The following NXN variants were observed in gnomAD, a reference collection of about 807,000 sequenced individuals.
The protein encoded by NXN is nucleoredoxin 1.
A neutral mutation model predicts 48.6 loss-of-function variants in NXN; 16 were observed. The observed-to-expected ratio is 0.33, with a 90% confidence interval of 0.22 to 0.50. The LOEUF is 0.50. Among genes scored for constraint, NXN ranks in the 20% least tolerant of loss-of-function variants. The probability of loss-of-function intolerance (pLI) is 0.98; values close to 1 mark genes in which losing one functional copy is unlikely to be tolerated. For synonymous variants in NXN, 281 were observed against 269.6 expected (o/e 1.04, Z -0.41); for missense variants, 492 against 605.5 (o/e 0.81, Z 1.97).
chr17:946,051 GGAGA>G (rs1355336123), intron 1 of NXN, among the ~76,000 whole-genome samples: 3 of 152,138 alleles, frequency 2.0e-5, no homozygotes, highest in African/African-American at 7.2e-5. Flanking sequence ...AGAGGGAAAG[GGAGA>G]GAGAGAAAGT....
intron 1 of NXN, among the ~76,000 whole-genome samples, chr17:832,039 G>A (rs1335708840): frequency 6.6e-6 from 1 of 151,266 alleles, no homozygotes; most frequent in African/African-American, 2.4e-5. Flanking sequence ...GTGGGTAGCT[G>A]GACTGTTGCC....
intron 1 of NXN, among the ~76,000 whole-genome samples, chr17:924,690 A>T (rs2068781722): frequency 1.3e-5 from 2 of 150,280 alleles, no homozygotes; most frequent in South Asian, 4.3e-4. Flanking sequence ...TCCCAAACTG[A>T]AATTCCGTCC....
intron 1 of NXN, among the ~76,000 whole-genome samples, chr17:865,651 A>G (rs532089036): frequency 6.6e-5 from 10 of 152,180 alleles, no homozygotes; most frequent in Non-Finnish European, 1.2e-4. Context: ...AGCAATTCCA[A>G]TTCACAGATA....
intron 1 of NXN, chr17:863,909 G>C: frequency 6.9e-7 from 1 of 1,442,698 alleles, no homozygotes; most frequent in Admixed American, 2.0e-5. Flanking sequence ...AGAGGTTTAT[G>C]TCAGGCTCAT....
At chr17:947,715 A>G (rs1230884215) in intron 1 of NXN, among the ~76,000 whole-genome samples, 1 of 129,580 alleles carries the variant, frequency 7.7e-6, no homozygotes, top group Non-Finnish European at 1.6e-5. Context: ...CCTGGGCAAC[A>G]GGGTGAGGCT....
intron 1 of NXN, among the ~76,000 whole-genome samples, chr17:840,282 G>A (rs138829341): frequency 6.6e-6 from 1 of 152,250 alleles, no homozygotes; most frequent in Non-Finnish European, 1.5e-5. Context: ...CAGATAGAAG[G>A]ACCAGGGGAC....
intron 1 of NXN, among the ~76,000 whole-genome samples, chr17:853,724 T>TATATATATATATATATATATA (rs61572573): frequency 3.7e-4 from 26 of 70,030 alleles, no homozygotes; most frequent in Non-Finnish European, 2.3e-4. Context: ...TATATATATA[T>TATATATATATATATATATATA]TTTTTTTTTT....
intron 1 of NXN, among the ~76,000 whole-genome samples, chr17:934,535 T>C (rs924131426): frequency 1.3e-5 from 2 of 151,630 alleles, no homozygotes; most frequent in Non-Finnish European, 2.9e-5. Flanking sequence ...AGACGCTGAA[T>C]TGGTGACTTA....
chr17:855,509 T>A (rs1465347359), intron 1 of NXN, among the ~76,000 whole-genome samples: 1 of 152,178 alleles, frequency 6.6e-6, no homozygotes, highest in Non-Finnish European at 1.5e-5. Context: ...CAGATTTATC[T>A]CTTAAGTTCT....
At chr17:937,258 A>AT (rs1262960031) in intron 1 of NXN, among the ~76,000 whole-genome samples, 2 of 151,924 alleles carry the variant, frequency 1.3e-5, no homozygotes, top group Non-Finnish European at 2.9e-5. Context: ...TGCTGGGTGC[A>AT]TTTTTTCTTA....
chr17:924,275 T>C (rs896609626), intron 1 of NXN, among the ~76,000 whole-genome samples: 3 of 152,192 alleles, frequency 2.0e-5, no homozygotes, highest in Admixed American at 2.0e-4. Flanking sequence ...TCGCTCTTAT[T>C]GCCCAGGCTG....
chr17:951,463 G>C (rs894480312), intron 1 of NXN, among the ~76,000 whole-genome samples: 4 of 151,192 alleles, frequency 2.6e-5, no homozygotes, highest in Non-Finnish European at 5.9e-5. Context: ...TCTGCAGCCT[G>C]ATCTCTCTGT....
At chr17:927,891 T>A (rs991498310) in intron 1 of NXN, among the ~76,000 whole-genome samples, 16 of 152,050 alleles carry the variant, frequency 1.1e-4, no homozygotes, top group African/African-American at 3.9e-4. Flanking sequence ...GTGATGTTCC[T>A]TATACCACCT....
At chr17:812,608 TTG>T (rs375421751) in intron 5 of NXN, among the ~76,000 whole-genome samples, 3,637 of 151,452 alleles carry the variant, frequency 0.024, 129 homozygotes, top group African/African-American at 0.079. Context: ...CGAGTGTGCA[TTG>T]TGTGAGTGTA....
intron 1 of NXN, among the ~76,000 whole-genome samples, chr17:964,165 G>C (rs1255159165): frequency 2.0e-5 from 3 of 152,198 alleles, no homozygotes; most frequent in Admixed American, 2.0e-4. Flanking sequence ...ATGCTGAGCA[G>C]AGGAATATAA....
intron 6 of NXN, 48 bp downstream of exon 6, chr17:805,020 T>TCCCCCCCCCCCCCCCCCCCACCCC: frequency 6.6e-7 from 1 of 1,512,884 alleles, no homozygotes; most frequent in Non-Finnish European, 9.0e-7. Flanking sequence ...GCCCCTCCTG[T>TCCCCCCCCCCCCCCCCCCCACCCC]CCCGCCCCCC....
At chr17:979,296 C>CGGGCGTGGGGGGCGGGCAGGGGT in intron 1 of NXN, 23 bp downstream of exon 1, 2 of 1,285,672 alleles carry the variant, frequency 1.6e-6, no homozygotes, top group East Asian at 3.5e-5. Flanking sequence ...CGGGCAGGGG[C>CGGGCGTGGGGGGCGGGCAGGGGT]CGGCGAGGCC....
At chr17:912,453 C>G (rs879359307) in intron 1 of NXN, among the ~76,000 whole-genome samples, 3 of 152,076 alleles carry the variant, frequency 2.0e-5, no homozygotes, top group Non-Finnish European at 4.4e-5. Context: ...CCCCCAACCA[C>G]GCGGGAGAGA....
At chr17:859,286 G>C (rs755118819) in intron 1 of NXN, among the ~76,000 whole-genome samples, 19 of 152,174 alleles carry the variant, frequency 1.2e-4, no homozygotes, top group Non-Finnish European at 2.6e-4. Flanking sequence ...TTTGGAAGTG[G>C]AATAAAGAGT....
Sources: gnomAD v4.1 joint callset for allele counts (sites outside exome capture counted in the v4.1 genomes callset) on GRCh38, gnomAD v4.1.1 for gene constraint, MANE v1.5 for transcripts, NCBI Gene and HGNC (gene_info 2026-07-23, HGNC 2026-07-21) for gene names.